Variants in SLC8A3 observed in about 807,000 individuals in gnomAD.
SLC8A3 encodes the protein sodium/calcium exchanger 3.
Under a neutral mutation model 65.4 loss-of-function variants are expected in SLC8A3, and 37 were observed. The ratio of observed to expected loss-of-function variants is 0.57; its 90% CI spans 0.44 to 0.74. The LOEUF (loss-of-function observed/expected upper bound fraction) is 0.74, where lower values mean the gene tolerates loss of function less well. Ranked by LOEUF, SLC8A3 falls within the 30% of genes least tolerant of loss-of-function variation. The pLI, the probability that SLC8A3 is intolerant of heterozygous loss-of-function variation, is 0.00. For missense variants in SLC8A3, 1,112 were observed against 1,172.1 expected, an observed-to-expected ratio of 0.95 and a Z score of 0.75; for synonymous variants, 461 against 444.5, an observed-to-expected ratio of 1.04 and a Z score of -0.47.
In SLC8A3 at chr14:70,167,987, G is replaced by C. The variant is rs865846316; in HGVS notation, c.436C>G (p.Pro146Ala). Residue 146 changes from proline (P) to alanine (A), a missense_variant, in exon 2 of 7, where the codon CCT becomes GCT. Physicochemically the swap from Pro to Ala is conservative, Grantham distance 27. Transcript: ENST00000356921. ...TCAATTAAAGAGAGGAGTATCTCAG[G>C]AGCAGAGGAACCCAGGGCCATAAGG... ...LTLMALGSSAPEILLSLIEVC... is the reference protein window; with the variant it reads ...LTLMALGSSAAEILLSLIEVC... 1 of 1,614,116 alleles carries C rather than the reference G, an allele frequency of 6.2e-7. No individual in the cohort carries two copies. The highest frequency in any genetic ancestry group is 1.1e-5 in the South Asian group (1 of 91,068).
At chr14:70,102,820 G>A (rs775641566) in intron 2 of SLC8A3, among the ~76,000 whole-genome samples, 2 of 151,962 alleles carry the variant, frequency 1.3e-5, no homozygotes, top group Non-Finnish European at 2.9e-5. Context: ...ATGGGACAAC[G>A]TCATGCAGTC....
chr14:70,070,134 A>G (rs1889876777), intron 2 of SLC8A3, among the ~76,000 whole-genome samples: 1 of 152,216 alleles, frequency 6.6e-6, no homozygotes, highest in African/African-American at 2.4e-5. Context: ...GGGACTTTGG[A>G]GTACATCCAG....
At chr14:70,048,651 C>T in intron 6 of SLC8A3, 116 bp downstream of exon 6, 1 of 905,942 alleles carries the variant, frequency 1.1e-6, no homozygotes, top group Non-Finnish European at 1.8e-6. Context: ...ACTTTAAGGG[C>T]AGAGGCTCTG....
At chr14:70,078,178 T>C (rs7150941) in intron 2 of SLC8A3, among the ~76,000 whole-genome samples, 11,552 of 152,238 alleles carry the variant, frequency 0.076, 520 homozygotes, top group Non-Finnish European at 0.11. Flanking sequence ...GATGGTGAAA[T>C]TCTGGGGTGA....
At chr14:70,175,094 G>T (rs1369376917) in intron 1 of SLC8A3, among the ~76,000 whole-genome samples, 2 of 152,052 alleles carry the variant, frequency 1.3e-5, no homozygotes, top group Non-Finnish European at 2.9e-5. Context: ...ACTCTCCCAG[G>T]TACTACTACA....
chr14:70,064,006 A>G (rs755897776), intron 2 of SLC8A3: 120 of 778,484 alleles, frequency 1.5e-4, no homozygotes, highest in Non-Finnish European at 2.3e-4. Flanking sequence ...AAACGGGAAG[A>G]GAAGGAAACA....
At chr14:70,148,906 G>T (rs564411189) in intron 2 of SLC8A3, among the ~76,000 whole-genome samples, 45 of 148,652 alleles carry the variant, frequency 3.0e-4, no homozygotes, top group African/African-American at 1.1e-3. Flanking sequence ...GTGTAGAGCC[G>T]GGAGGAGTTG....
At chr14:70,108,389 G>A in intron 2 of SLC8A3, among the ~76,000 whole-genome samples, 1 of 136,242 alleles carries the variant, frequency 7.3e-6, no homozygotes. Flanking sequence ...GACAAAGCAA[G>A]ACTCCGTCTC....
intron 2 of SLC8A3, among the ~76,000 whole-genome samples, chr14:70,133,328 T>A (rs1321176850): frequency 6.6e-6 from 1 of 152,118 alleles, no homozygotes; most frequent in Non-Finnish European, 1.5e-5. Flanking sequence ...GCTGGACAAA[T>A]GGTCCTGACA....
intron 2 of SLC8A3, among the ~76,000 whole-genome samples, chr14:70,150,472 G>C (rs945109846): frequency 4.6e-5 from 7 of 152,158 alleles, no homozygotes; most frequent in Non-Finnish European, 1.0e-4. Flanking sequence ...TTGTGGCAAT[G>C]ATGAGGCAAA....
chr14:70,060,963 G>A (rs1566744246), intron 2 of SLC8A3, 24 bp from the exon 3 acceptor site: 14 of 1,106,010 alleles, frequency 1.3e-5, no homozygotes, highest in Non-Finnish European at 1.8e-5. Context: ...AAGAGAGAGA[G>A]TGTGTCGACT....
At position 70,168,372 on chromosome 14, in the gene SLC8A3, C is replaced by T. The variant is rs751614848; in HGVS notation, c.51G>A (p.Gly17=). Residue 17 remains glycine, a synonymous_variant, in exon 2 of 7, where the codon GGG becomes GGA. Transcript: ENST00000356921. ...QPLTSAFLHF[G]LVTFVLFLNG... ...TCAGGAAGAGCACAAAGGTAACCAG[C>T]CCAAAATGGAGGAAGGCAGAGGTGA... The T allele has an allele frequency of 1.2e-6, 2 of 1,614,144 alleles. No individual in the cohort carries two copies. The highest frequency in any genetic ancestry group is 1.7e-6 in the Non-Finnish European group (2 of 1,180,028).
intron 2 of SLC8A3, among the ~76,000 whole-genome samples, chr14:70,141,808 T>G (rs1218624912): frequency 6.6e-6 from 1 of 152,246 alleles, no homozygotes; most frequent in Non-Finnish European, 1.5e-5. Flanking sequence ...ATTACCCTCC[T>G]TTCACATCCC....
At chr14:70,120,070 T>C (rs925938732) in intron 2 of SLC8A3, among the ~76,000 whole-genome samples, 1 of 152,334 alleles carries the variant, frequency 6.6e-6, no homozygotes, top group Non-Finnish European at 1.5e-5. Context: ...GGTTGGATTA[T>C]GCCAGAGCAA....
intron 2 of SLC8A3, among the ~76,000 whole-genome samples, chr14:70,070,140 T>A (rs1889877827): frequency 6.6e-6 from 1 of 152,156 alleles, no homozygotes; most frequent in African/African-American, 2.4e-5. Flanking sequence ...TTGGAGTACA[T>A]CCAGAGTAGG....
intron 2 of SLC8A3, among the ~76,000 whole-genome samples, chr14:70,142,952 C>T (rs1372739865): frequency 6.6e-6 from 1 of 152,190 alleles, no homozygotes; most frequent in East Asian, 1.9e-4. Context: ...TAGGGCTGTA[C>T]TCATTTCGTT....
intron 2 of SLC8A3, among the ~76,000 whole-genome samples, chr14:70,086,353 A>T (rs890034512): frequency 6.6e-6 from 1 of 150,782 alleles, no homozygotes; most frequent in African/African-American, 2.5e-5. Context: ...TTTAAAAAAC[A>T]ATTTTTTTAA....
chr14:70,165,473 C>T (rs1334463997), intron 2 of SLC8A3, among the ~76,000 whole-genome samples: 3 of 152,172 alleles, frequency 2.0e-5, no homozygotes, highest in South Asian at 2.1e-4. Flanking sequence ...GAAACAGACA[C>T]CCCACACACA....
intron 2 of SLC8A3, among the ~76,000 whole-genome samples, chr14:70,121,470 C>T (rs1029799952): frequency 6.6e-6 from 1 of 152,222 alleles, no homozygotes; most frequent in Non-Finnish European, 1.5e-5. Context: ...ACGTCCACAG[C>T]TTTGACATGT....
Sources: gnomAD v4.1 joint callset for allele counts (sites outside exome capture counted in the v4.1 genomes callset) on GRCh38, gnomAD v4.1.1 for gene constraint, MANE v1.5 for transcripts, NCBI Gene and HGNC (gene_info 2026-07-23, HGNC 2026-07-21) for gene names.